Variants in GRIK3 observed in about 807,000 individuals in gnomAD.
The protein encoded by GRIK3 is glutamate receptor ionotropic, kainate 3.
A neutral mutation model predicts 102.5 loss-of-function variants in GRIK3; 29 were observed. The ratio of observed to expected loss-of-function variants is 0.28; its 90% CI spans 0.21 to 0.39. The LOEUF is 0.39. GRIK3 is among the 10% of genes least tolerant of loss of function. The pLI is 1.00. For missense variants in GRIK3, 908 were observed against 1,252.4 expected (o/e 0.73, Z 4.15); for synonymous variants, 511 against 504.9 (o/e 1.01, Z -0.16).
At chr1:36,989,554 G>A (rs1004735541) in intron 1 of GRIK3, among the ~76,000 whole-genome samples, 8 of 152,202 alleles carry the variant, frequency 5.3e-5, no homozygotes, top group Non-Finnish European at 1.0e-4. Flanking sequence ...ATTGCTTGGA[G>A]TCTGGCATGG....
chr1:36,954,317 C>T (rs528701421), intron 1 of GRIK3, among the ~76,000 whole-genome samples: 23 of 152,368 alleles, frequency 1.5e-4, no homozygotes, highest in African/African-American at 5.5e-4. Context: ...CCTGCTGCCT[C>T]TCCTGGAGCC....
intron 13 of GRIK3, among the ~76,000 whole-genome samples, chr1:36,816,376 C>T (rs1056842800): frequency 2.0e-5 from 3 of 152,176 alleles, no homozygotes; most frequent in Non-Finnish European, 4.4e-5. Flanking sequence ...ACCTTTGCAG[C>T]TTCTGGTTCT....
At chr1:36,849,773 G>A (rs1640559529) in intron 9 of GRIK3, 1 of 153,818 alleles carries the variant, frequency 6.5e-6, no homozygotes, top group Admixed American at 6.5e-5. Context: ...AAACAGGTCA[G>A]GAGAAGGCGG....
In GRIK3 at chr1:36,819,014, T is replaced by A. The variant is rs1405294499; in HGVS notation, c.1873+722A>T. Among the ~76,000 whole-genome samples, 1 of 152,186 alleles carries A rather than the reference T, an allele frequency of 6.6e-6. No individual in the cohort carries two copies. The highest frequency in any genetic ancestry group is 1.5e-5 in the Non-Finnish European group (1 of 68,034). Reference sequence around the variant, plus strand: ...TGGTCCCCTCTCCCTGTGCCTGCCCTCCTGCTCCCTGCTGTCTCTGCATCT... The same window carrying A: ...TGGTCCCCTCTCCCTGTGCCTGCCCACCTGCTCCCTGCTGTCTCTGCATCT... On this transcript the variant is annotated intron_variant, in intron 12 of 15. Transcript: ENST00000373091. The surrounding 1 kb of genome is among the most constrained non-coding windows in gnomAD (Gnocchi z 4.1).
intron 13 of GRIK3, among the ~76,000 whole-genome samples, chr1:36,813,105 G>C (rs945524353): frequency 9.8e-5 from 15 of 152,344 alleles, no homozygotes; most frequent in Admixed American, 5.9e-4. Context: ...TATGAACACA[G>C]TGACCAAGAG....
chr1:36,827,335 T>C lies in GRIK3; in HGVS notation c.1531-1509A>G, dbSNP rs142605459. 2.0e-5 allele frequency among the ~76,000 whole-genome samples: 3 copies of C among 152,240 alleles called. No homozygotes were observed. In the East Asian group the frequency reaches 5.8e-4, roughly 29 times the overall value. On this transcript the variant is annotated intron_variant, in intron 10 of 15. Transcript: ENST00000373091. ...CCTGGGGCTTCTGTGGATATTTACATCTCAGAATGTGAACTAAGTTATCAC... is the reference window on the plus strand; with the variant it reads ...CCTGGGGCTTCTGTGGATATTTACACCTCAGAATGTGAACTAAGTTATCAC...
At chr1:36,802,674 C>T (rs763273719) in intron 15 of GRIK3, among the ~76,000 whole-genome samples, 103 of 152,280 alleles carry the variant, frequency 6.8e-4, no homozygotes, top group Non-Finnish European at 7.1e-4. Flanking sequence ...AAGAGCGCAG[C>T]GTTTCCCGCA....
At chr1:36,951,183 A>G (rs1641839678) in intron 1 of GRIK3, among the ~76,000 whole-genome samples, 3 of 152,232 alleles carry the variant, frequency 2.0e-5, no homozygotes, top group South Asian at 4.1e-4. Flanking sequence ...GGGGCTGGAC[A>G]TTAGAGTCCT....
At chr1:36,851,043 G>A (rs1283228922) in intron 8 of GRIK3, among the ~76,000 whole-genome samples, 1 of 152,184 alleles carries the variant, frequency 6.6e-6, no homozygotes, top group Non-Finnish European at 1.5e-5. Flanking sequence ...CTAAAGCCCT[G>A]GGCCTCTTGA....
intron 1 of GRIK3, among the ~76,000 whole-genome samples, chr1:36,957,994 C>T (rs1641943759): frequency 9.7e-6 from 1 of 103,588 alleles, no homozygotes; most frequent in Admixed American, 1.0e-4. Flanking sequence ...GACTCTGTGC[C>T]CCCTGAGTCT....
At chr1:36,963,262 G>C (rs938504736) in intron 1 of GRIK3, among the ~76,000 whole-genome samples, 1 of 152,132 alleles carries the variant, frequency 6.6e-6, no homozygotes, top group Admixed American at 6.5e-5. Flanking sequence ...AAGTACGTCT[G>C]GGGGAGGCAA....
chr1:36,991,627 A>C (rs1036096455), intron 1 of GRIK3, among the ~76,000 whole-genome samples: 2 of 152,196 alleles, frequency 1.3e-5, no homozygotes, highest in Admixed American at 1.3e-4. Context: ...ACGCCAACTC[A>C]TGTCTCACTG....
rs1641691804 is a variant in GRIK3 at position 36,939,136 on chromosome 1, ACT to A, written c.116-48042_116-48041del. Among the ~76,000 whole-genome samples, 4 of 152,332 alleles carry A rather than the reference ACT, an allele frequency of 2.6e-5. No individual in the cohort carries two copies. In the South Asian group the frequency reaches 8.3e-4, roughly 32 times the overall value. ...AGCTACTTGATACGAGGCTTCTCTT[ACT>A]GGCAATCAAAGCCTAATATCCTTCC... On this transcript the variant is annotated intron_variant, in intron 1 of 15. Coordinates refer to ENST00000373091, the MANE Select transcript of GRIK3 (RefSeq NM_000831.4).
intron 10 of GRIK3, among the ~76,000 whole-genome samples, chr1:36,835,335 A>T (rs3767042): frequency 0.2 from 30,259 of 152,230 alleles, 3,705 homozygotes; most frequent in African/African-American, 0.35. Flanking sequence ...ATGGCCACCA[A>T]GCCAAACCCA....
At chr1:36,911,783 G>T (rs2124295715) in intron 1 of GRIK3, among the ~76,000 whole-genome samples, 1 of 152,176 alleles carries the variant, frequency 6.6e-6, no homozygotes, top group East Asian at 1.9e-4. Context: ...GTACAATGTG[G>T]GCAGAGGACT....
intron 1 of GRIK3, among the ~76,000 whole-genome samples, chr1:36,965,715 G>A (rs1642071013): frequency 6.6e-6 from 1 of 152,322 alleles, no homozygotes; most frequent in African/African-American, 2.4e-5. Flanking sequence ...GTCCCAACGG[G>A]AATTTTGTTC....
rs773968182 is a variant in GRIK3 at position 36,880,815 on chromosome 1, G to A, written c.369C>T (p.Ser123=). The A allele has an allele frequency of 1.9e-6, 3 of 1,614,016 alleles. No individual in the cohort carries two copies. Among genetic ancestry groups the A allele is most frequent in the African/African-American group, 1.3e-5 (1 of 74,918 alleles). ...SQGSCTNAVQ[S]ICNALEVPHI... is the part of the protein sequence containing the mutation. Reference sequence around the variant, plus strand: ...GGGGCACCTCCAGGGCATTGCAGATGGACTGGACGGCATTGGTGCAGGAGC... The same window carrying A: ...GGGGCACCTCCAGGGCATTGCAGATAGACTGGACGGCATTGGTGCAGGAGC... The change falls in exon 3 of 16, where the codon TCC becomes TCT. Residue 123 remains serine, a synonymous_variant. Coordinates refer to ENST00000373091, the MANE Select transcript of GRIK3 (RefSeq NM_000831.4). The surrounding 1 kb of genome is among the most constrained non-coding windows in gnomAD (Gnocchi z 5.4).
intron 1 of GRIK3, among the ~76,000 whole-genome samples, chr1:36,894,010 A>G (rs930210148): frequency 1.3e-5 from 2 of 152,156 alleles, no homozygotes; most frequent in Non-Finnish European, 2.9e-5. Flanking sequence ...ATTTTTGATA[A>G]TTGATTTTGT....
At chr1:36,879,183 G>A (rs1475383904) in intron 3 of GRIK3, among the ~76,000 whole-genome samples, 2 of 152,120 alleles carry the variant, frequency 1.3e-5, no homozygotes, top group African/African-American at 4.8e-5. Flanking sequence ...CTACAATGTA[G>A]TGCTTGCCAA....
Sources: gnomAD v4.1 joint callset for allele counts (sites outside exome capture counted in the v4.1 genomes callset) on GRCh38, gnomAD v4.1.1 for gene constraint, Gnocchi (gnomAD v3.1) non-coding constraint, MANE v1.5 for transcripts, NCBI Gene and HGNC (gene_info 2026-07-23, HGNC 2026-07-21) for gene names.